Variants in URB1 observed in about 807,000 individuals in gnomAD.
URB1 encodes the protein nucleolar pre-ribosomal-associated protein 1.
A neutral mutation model predicts 242.3 loss-of-function variants in URB1; 197 were observed. The observed-to-expected ratio is 0.81, with a 90% confidence interval of 0.72 to 0.91. The LOEUF (loss-of-function observed/expected upper bound fraction) is 0.91, where lower values mean the gene tolerates loss of function less well. Ranked by LOEUF, URB1 falls within the 40% of genes least tolerant of loss-of-function variation. The pLI, the probability that URB1 is intolerant of heterozygous loss-of-function variation, is 0.00. For synonymous variants in URB1, 1,153 were observed against 1,201.8 expected (o/e 0.96, Z 0.84); for missense variants, 2,721 against 2,860.5 (o/e 0.95, Z 1.11).
Position 32,314,541 on chromosome 21 carries a change from G to A in URB1, c.*377C>T, listed in dbSNP as rs534535052. The A allele has an allele frequency of 3.7e-6, 6 of 1,610,662 alleles. No homozygotes were observed. In the African/African-American group the frequency reaches 6.7e-5, roughly 18 times the overall value. The stretch of plus-strand genomic sequence containing the variant: ...TCATAAAAAAAATCTGATACCTTTT[G>A]ACATTTCAGCTTTAACACAGATGAA... On this transcript the variant is annotated 3_prime_UTR_variant, in exon 39 of 39. Transcript: ENST00000382751.
rs1172286264 is a variant in URB1, at chr21:32,352,714, G to C, written c.2609C>G (p.Ala870Gly). ...SLWIPEQARE[A>G]WLLQAQGSPS... The stretch of plus-strand genomic sequence containing the variant: ...ACAGCTGTGGCTGCAGCTCACCCAG[G>C]CCTCTCGGGCTTGCTCCGGGATCCA... Residue 870 changes from alanine (A) to glycine (G), a missense_variant, in exon 19 of 39, where the codon GCC becomes GGC. Coordinates refer to ENST00000382751, the MANE Select transcript of URB1 (RefSeq NM_014825.3). 7 of 1,551,078 alleles carry C rather than the reference G, an allele frequency of 4.5e-6. No homozygotes were observed. In the East Asian group the frequency reaches 1.5e-4, roughly 32 times the overall value.
At chr21:32,367,417 G>C (rs1241657961) in intron 9 of URB1, among the ~76,000 whole-genome samples, 3 of 152,178 alleles carry the variant, frequency 2.0e-5, no homozygotes, top group African/African-American at 7.2e-5. Context: ...CTCATCCCAA[G>C]GGTAAATGTG....
intron 32 of URB1, 50 bp downstream of exon 32, chr21:32,324,441 C>T: frequency 1.4e-6 from 2 of 1,456,584 alleles, no homozygotes; most frequent in South Asian, 1.2e-5. Context: ...AGTAGACTTG[C>T]TCAGCTTCAG....
At chr21:32,388,499 T>C (rs1333957091) in intron 1 of URB1, among the ~76,000 whole-genome samples, 2 of 152,246 alleles carry the variant, frequency 1.3e-5, no homozygotes, top group African/African-American at 4.8e-5. Context: ...TAACAGTCAC[T>C]GAGCAAGTGC....
At chr21:32,337,689 TTTCTTTTC>T (rs2032977365) in intron 26 of URB1, among the ~76,000 whole-genome samples, 175 bp from the exon 27 acceptor site, 1 of 152,140 alleles carries the variant, frequency 6.6e-6, no homozygotes, top group East Asian at 1.9e-4. Flanking sequence ...TTATTATTAT[TTTCTTTTC>T]TTTTTTTCTT....
intron 5 of URB1, among the ~76,000 whole-genome samples, chr21:32,377,035 G>A (rs905443559): frequency 2.0e-5 from 3 of 152,044 alleles, no homozygotes; most frequent in African/African-American, 7.2e-5. Flanking sequence ...CCTTACTGGT[G>A]GATAGTTAGA....
chr21:32,321,954 A>T lies in URB1; in HGVS notation c.5341-10T>A. 1.3e-6 allele frequency: 2 copies of T among 1,550,308 alleles called. No individual in the cohort carries two copies. ...TCTGCTCTGTTTTTTGCTATAACCC[A>T]GGCACACAAAAAACTGTTGTTAATA... is the stretch of plus-strand genomic sequence containing the variant. On this transcript the variant is annotated splice_polypyrimidine_tract_variant and intron_variant, in intron 33 of 38. Coordinates refer to ENST00000382751, the MANE Select transcript of URB1 (RefSeq NM_014825.3).
rs780707851 is a variant in URB1 at position 32,319,203 on chromosome 21, G to T, written c.5792+14C>A. The T allele has an allele frequency of 6.5e-7, 1 of 1,536,456 alleles. No homozygotes were observed. The highest frequency in any genetic ancestry group is 1.2e-5 in the South Asian group (1 of 81,294). On this transcript the variant is annotated intron_variant, in intron 36 of 38. Coordinates refer to ENST00000382751, the MANE Select transcript of URB1 (RefSeq NM_014825.3). ...AGAGGCCAGAAGGGCCCCCCTGGCGGGGGCAGGACTCACCTCAGGTGCTTC... is the reference window on the plus strand; with the variant it reads ...AGAGGCCAGAAGGGCCCCCCTGGCGTGGGCAGGACTCACCTCAGGTGCTTC...
chr21:32,311,740 T>A lies in URB1; in HGVS notation c.*3178A>T, dbSNP rs762530801. 6.2e-7 allele frequency: 1 copy of A among 1,614,028 alleles called. No individual in the cohort carries two copies. The highest frequency in any genetic ancestry group is 1.7e-5 in the Admixed American group (1 of 60,026). On this transcript the variant is annotated 3_prime_UTR_variant, in exon 39 of 39. Transcript: ENST00000382751. ...TGGAGTCACGGCCTCAACCTCCACC[T>A]CTGCATCCAGAAGTGCCTGCCGTGC...
intron 1 of URB1, among the ~76,000 whole-genome samples, chr21:32,389,565 A>G (rs899758633): frequency 1.3e-5 from 2 of 152,218 alleles, no homozygotes; most frequent in African/African-American, 4.8e-5. Context: ...GGGAGCAGAC[A>G]GATTCCAGAA....
At chr21:32,334,479 T>G in intron 28 of URB1, 145 bp from the exon 29 acceptor site, 1 of 980,648 alleles carries the variant, frequency 1.0e-6, no homozygotes, top group Non-Finnish European at 1.5e-6. Context: ...TATCACTCAA[T>G]CCCATCACAG....
chr21:32,384,187 T>C lies in URB1; in HGVS notation c.434+126A>G, dbSNP rs115495444. ...AGGAAGGGGGCAGAGACTCGGTCAC[T>C]GTGGCCTCGGAAATAGCTCAGCTCT... On this transcript the variant is annotated intron_variant, in intron 3 of 38. Coordinates refer to ENST00000382751, the MANE Select transcript of URB1 (RefSeq NM_014825.3). The C allele has an allele frequency of 1.5e-3, 1,866 of 1,215,508 alleles. 18 individuals carry two copies. In the African/African-American group the frequency reaches 0.021, roughly 14 times the overall value. 75.3% of individuals were successfully genotyped at this position (1,215,508 alleles called of 1,614,324 possible). A position where few individuals can be genotyped will look rare whatever the true frequency, so the allele number is the denominator to read the frequency against.
chr21:32,355,403 T>C (rs2033207822), intron 16 of URB1, 46 bp downstream of exon 16: 1 of 1,512,176 alleles, frequency 6.6e-7, no homozygotes, highest in Non-Finnish European at 9.0e-7. Flanking sequence ...GAAGTTAATA[T>C]AATTATCTCT....
chr21:32,353,878 C>A (rs2033187033), intron 18 of URB1, 55 bp downstream of exon 18: 2 of 1,529,862 alleles, frequency 1.3e-6, no homozygotes, highest in African/African-American at 1.4e-5. Flanking sequence ...ACCTCCCACC[C>A]TGCACAGACT....
intron 1 of URB1, among the ~76,000 whole-genome samples, chr21:32,388,861 A>G (rs899925920): frequency 5.3e-5 from 8 of 152,224 alleles, no homozygotes; most frequent in African/African-American, 1.9e-4. Context: ...TTACAGGTTC[A>G]TCTTTCCATA....
chr21:32,378,737 T>C (rs1291283184), intron 4 of URB1, among the ~76,000 whole-genome samples, 196 bp from the exon 5 acceptor site: 5 of 152,192 alleles, frequency 3.3e-5, no homozygotes, highest in Admixed American at 6.5e-5. Flanking sequence ...TCCGTTCTCT[T>C]TCCCCGGTAA....
At chr21:32,389,868 T>A (rs765563205) in intron 1 of URB1, among the ~76,000 whole-genome samples, 2 of 152,164 alleles carry the variant, frequency 1.3e-5, no homozygotes, top group Non-Finnish European at 2.9e-5. Context: ...CTCTGGAATA[T>A]CCTCAGTCCT....
chr21:32,323,824 G>C (rs2032795523), intron 32 of URB1, among the ~76,000 whole-genome samples: 1 of 152,090 alleles, frequency 6.6e-6, no homozygotes, highest in Admixed American at 6.6e-5. Context: ...AATTAGCCAG[G>C]CGTGGTGGCA....
At chr21:32,342,678 A>AAT (rs2033043924) in intron 24 of URB1, among the ~76,000 whole-genome samples, 2 of 124 alleles carry the variant, frequency 0.016, no homozygotes, top group Non-Finnish European at 0.032. Flanking sequence ...GTGAACCAGG[A>AAT]AAGCCGGAAC....
Sources: allele counts gnomAD v4.1 joint callset (sites outside exome capture counted in the v4.1 genomes callset), GRCh38; gene constraint gnomAD v4.1.1; transcripts MANE v1.5; gene names NCBI Gene and HGNC (gene_info 2026-07-23, HGNC 2026-07-21).